Variants in CDH12 observed in about 807,000 individuals in gnomAD.
The protein encoded by CDH12 is cadherin 12, also known as cadherin-12.
CDH12 carries 41 observed loss-of-function variants against 74.1 expected under a neutral mutation model. That is an observed-to-expected ratio of 0.55 (90% confidence interval 0.43 to 0.72). The LOEUF is 0.72. Ranked by LOEUF, CDH12 falls within the 30% of genes least tolerant of loss-of-function variation. CDH12 has a pLI of 0.00. For missense variants in CDH12, 945 were observed against 977.2 expected (o/e 0.97, Z 0.44); for synonymous variants, 399 against 355.0 (o/e 1.12, Z -1.39).
At chr5:22,159,229 A>G (rs1222355626) in intron 4 of CDH12, among the ~76,000 whole-genome samples, 2 of 152,142 alleles carry the variant, frequency 1.3e-5, no homozygotes, top group African/African-American at 4.8e-5. Context: ...ACAAGAGAGG[A>G]TCTGTTGACA....
At position 22,853,326 on chromosome 5, in the gene CDH12, T is replaced by G. The variant is rs921439128; in HGVS notation, c.-791A>C. 3.3e-5 allele frequency: 5 copies of G among 152,108 alleles called. No homozygotes were observed. The highest frequency in any genetic ancestry group is 6.5e-5 in the Admixed American group (1 of 15,272). 9.4% of individuals were successfully genotyped at this position (152,108 alleles called of 1,614,324 possible). On this transcript the variant is annotated 5_prime_UTR_variant, in exon 1 of 15. Coordinates refer to ENST00000382254, the MANE Select transcript of CDH12 (RefSeq NM_004061.5). Reference sequence around the variant, plus strand: ...CCCTCTCTGTGGCTCCCTCCACATTTACCCTTCAGATCAATAATGCTCTCG... The same window carrying G: ...CCCTCTCTGTGGCTCCCTCCACATTGACCCTTCAGATCAATAATGCTCTCG...
At position 21,884,046 on chromosome 5, in the gene CDH12, G is replaced by C. The variant is rs1579905498; in HGVS notation, c.527-29256C>G. On this transcript the variant is annotated intron_variant, in intron 6 of 14. Coordinates refer to ENST00000382254, the MANE Select transcript of CDH12 (RefSeq NM_004061.5). ...GACCACTGCTACGAATGCAGGTGTT[G>C]AAGGATCTTTGATAGTTGAGAAAAT... 4 of 1,445,100 alleles carry C rather than the reference G, an allele frequency of 2.8e-6. No individual in the cohort carries two copies. The East Asian group carries it at 9.1e-5, about 33-fold the overall frequency. 89.5% of individuals were successfully genotyped at this position (1,445,100 alleles called of 1,614,324 possible). A position where few individuals can be genotyped will look rare whatever the true frequency, so the allele number is the denominator to read the frequency against.
intron 5 of CDH12, among the ~76,000 whole-genome samples, chr5:22,010,114 T>C (rs1423856359): frequency 6.6e-6 from 1 of 152,078 alleles, no homozygotes; most frequent in African/African-American, 2.4e-5. Flanking sequence ...ATCTGAGAAA[T>C]TTATATACTA....
intron 3 of CDH12, among the ~76,000 whole-genome samples, chr5:22,292,110 C>T (rs1288013837): frequency 6.6e-6 from 1 of 152,018 alleles, no homozygotes; most frequent in African/African-American, 2.4e-5. Context: ...TGGGGACAAT[C>T]TCTCAATAAA....
chr5:22,597,651 T>G (rs937580853), intron 1 of CDH12, among the ~76,000 whole-genome samples: 4 of 152,202 alleles, frequency 2.6e-5, no homozygotes, highest in Admixed American at 2.6e-4. Flanking sequence ...CTCCAGAGTA[T>G]TTGTTGTCAA....
intron 3 of CDH12, among the ~76,000 whole-genome samples, chr5:22,303,565 T>G (rs192291147): frequency 6.6e-6 from 1 of 152,066 alleles, no homozygotes; most frequent in Non-Finnish European, 1.5e-5. Context: ...ATTATTGATA[T>G]CACAATTTCT....
At chr5:21,811,992 A>C (rs551302279) in intron 9 of CDH12, among the ~76,000 whole-genome samples, 1 of 152,050 alleles carries the variant, frequency 6.6e-6, no homozygotes, top group African/African-American at 2.4e-5. Flanking sequence ...TCTAAACCTG[A>C]CCATCATTTT....
intron 4 of CDH12, among the ~76,000 whole-genome samples, chr5:22,129,923 A>G (rs1746090972): frequency 6.6e-6 from 1 of 152,188 alleles, no homozygotes; most frequent in African/African-American, 2.4e-5. Flanking sequence ...ACACATTAAA[A>G]AATCCTAAGA....
At chr5:22,612,025 A>C (rs1393189210) in intron 1 of CDH12, among the ~76,000 whole-genome samples, 1 of 152,168 alleles carries the variant, frequency 6.6e-6, no homozygotes, top group Non-Finnish European at 1.5e-5. Flanking sequence ...GGGCATATTC[A>C]AAGATAATTA....
chr5:22,259,279 C>T (rs531433676), intron 3 of CDH12, among the ~76,000 whole-genome samples: 70 of 151,932 alleles, frequency 4.6e-4, no homozygotes, highest in African/African-American at 1.6e-3. Flanking sequence ...ATGAACGTTC[C>T]ACATAGCCAA....
At chr5:22,697,397 C>T (rs906251001) in intron 1 of CDH12, among the ~76,000 whole-genome samples, 31 of 151,882 alleles carry the variant, frequency 2.0e-4, no homozygotes, top group Admixed American at 5.9e-4. Flanking sequence ...CGGTGGAACC[C>T]CGTCTCTACT....
intron 3 of CDH12, among the ~76,000 whole-genome samples, chr5:22,326,395 C>T (rs558697346): frequency 9.2e-5 from 14 of 152,134 alleles, no homozygotes; most frequent in South Asian, 4.2e-4. Context: ...GCAACCACGC[C>T]GGGCTAGTTT....
intron 4 of CDH12, among the ~76,000 whole-genome samples, chr5:22,150,741 C>A (rs1292082941): frequency 6.6e-6 from 1 of 152,132 alleles, no homozygotes; most frequent in Non-Finnish European, 1.5e-5. Flanking sequence ...CTGGGCCAGA[C>A]AGACCTGTGC....
intron 6 of CDH12, among the ~76,000 whole-genome samples, chr5:21,872,896 T>TCTATCTATCTAC (rs1400263784): frequency 6.6e-6 from 1 of 151,242 alleles, no homozygotes; most frequent in Non-Finnish European, 1.5e-5. Flanking sequence ...CTATCATCCA[T>TCTATCTATCTAC]CTATCTATCT....
At chr5:21,880,623 CTTTCTTTCTTTCTTTCTTTCT>C (rs1752266416) in intron 6 of CDH12, among the ~76,000 whole-genome samples, 12 of 58,814 alleles carry the variant, frequency 2.0e-4, no homozygotes, top group South Asian at 6.9e-4. Flanking sequence ...TTCCTTCTTT[CTTTCTTTCTTTCTTTCTTTCT>C]TTCTTTCTTT....
At chr5:21,990,171 A>C (rs1378164178) in intron 5 of CDH12, among the ~76,000 whole-genome samples, 2 of 152,178 alleles carry the variant, frequency 1.3e-5, no homozygotes, top group Non-Finnish European at 2.9e-5. Context: ...TGTTTTCACC[A>C]GATCAAACAC....
At chr5:22,762,812 G>A (rs1746297028) in intron 1 of CDH12, among the ~76,000 whole-genome samples, 2 of 151,936 alleles carry the variant, frequency 1.3e-5, no homozygotes, top group Admixed American at 1.3e-4. Context: ...TCTTATCTGA[G>A]CAAACAATTT....
intron 3 of CDH12, among the ~76,000 whole-genome samples, chr5:22,388,359 A>T (rs1020574908): frequency 2.6e-5 from 4 of 152,006 alleles, no homozygotes; most frequent in African/African-American, 9.7e-5. Context: ...TAAAGAAAAG[A>T]GTTATGTTGC....
chr5:22,071,443 T>G (rs955565061), intron 5 of CDH12, among the ~76,000 whole-genome samples: 2 of 152,158 alleles, frequency 1.3e-5, no homozygotes, highest in East Asian at 3.9e-4. Flanking sequence ...CCAAAACCAA[T>G]GGAACATTTT....
Sources: gnomAD v4.1 joint callset for allele counts (sites outside exome capture counted in the v4.1 genomes callset) on GRCh38, gnomAD v4.1.1 for gene constraint, MANE v1.5 for transcripts, NCBI Gene and HGNC (gene_info 2026-07-23, HGNC 2026-07-21) for gene names.